Variants in FBXO27 observed in about 807,000 individuals in gnomAD.
The protein encoded by FBXO27 is F-box protein 27.
A neutral mutation model predicts 28.3 loss-of-function variants in FBXO27; 28 were observed. That is an observed-to-expected ratio of 0.99 (90% CI 0.73 to 1.36). The LOEUF (loss-of-function observed/expected upper bound fraction) is 1.36. Ranked by LOEUF, FBXO27 falls within the 40% of genes most tolerant of loss-of-function variation. FBXO27 has a pLI of 0.00. For missense variants in FBXO27, 388 were observed against 394.1 expected (o/e 0.98, Z 0.13); for synonymous variants, 175 against 167.3 (o/e 1.05, Z -0.36).
chr19:39,027,228 C>A, intron 4 of FBXO27, among the ~76,000 whole-genome samples: 1 of 152,080 alleles, frequency 6.6e-6, no homozygotes, highest in East Asian at 1.9e-4. Flanking sequence ...AGGGCAGGGG[C>A]CAGCCACACT....
chr19:39,013,798 G>A (rs2144884268), intron 2 of FBXO27, among the ~76,000 whole-genome samples: 1 of 152,134 alleles, frequency 6.6e-6, no homozygotes, highest in South Asian at 2.1e-4. Context: ...CGGATCACGA[G>A]GTCAGGAGAT....
downstream of FBXO27, among the ~76,000 whole-genome samples, chr19:39,021,259 A>T (rs2072844083): frequency 6.6e-6 from 1 of 152,178 alleles, no homozygotes; most frequent in African/African-American, 2.4e-5. Context: ...ATATAGAAAC[A>T]TTTTTAGAGA....
chr19:39,022,301 A>G (rs2144893544), downstream of FBXO27, among the ~76,000 whole-genome samples: 1 of 151,556 alleles, frequency 6.6e-6, no homozygotes, highest in South Asian at 2.1e-4. Flanking sequence ...CACCACACCC[A>G]GCTAATTTTT....
chr19:39,013,870 G>A (rs549491330), intron 2 of FBXO27, among the ~76,000 whole-genome samples: 15 of 151,262 alleles, frequency 9.9e-5, no homozygotes, highest in Non-Finnish European at 1.5e-4. Flanking sequence ...AAAATTAGCC[G>A]GGTGTGGTGG....
chr19:39,031,601 C>A (rs2072903909), intron 2 of FBXO27, among the ~76,000 whole-genome samples: 1 of 151,942 alleles, frequency 6.6e-6, no homozygotes, highest in Non-Finnish European at 1.5e-5. Context: ...CGGTGAAGCC[C>A]TGCCCAGTCA....
At chr19:39,023,811 C>T (rs947590469), downstream of FBXO27, among the ~76,000 whole-genome samples, 7 of 152,068 alleles carry the variant, frequency 4.6e-5, no homozygotes, top group Admixed American at 1.3e-4. Context: ...GACAGGGTTT[C>T]ACCATGTTGG....
In FBXO27 at chr19:39,031,140, A is replaced by G. The variant is rs199589652; in HGVS notation, c.477-16T>C. On this transcript the variant is annotated splice_polypyrimidine_tract_variant and intron_variant, in intron 3 of 5. Coordinates refer to ENST00000292853, the MANE Select transcript of FBXO27 (RefSeq NM_178820.5). ...GCAACACCAGCTGGGAATGCAGGAG[A>G]CAGGGTAATGAGAACAGGCAGGCCT... is the stretch of plus-strand genomic sequence containing the variant. 6.2e-7 allele frequency: 1 copy of G among 1,613,504 alleles called. No homozygotes were observed. Among genetic ancestry groups the G allele is most frequent in the East Asian group, 2.2e-5 (1 of 44,876 alleles).
intron 2 of FBXO27, among the ~76,000 whole-genome samples, chr19:39,009,905 G>T (rs905060840): frequency 6.6e-6 from 1 of 151,986 alleles, no homozygotes; most frequent in Non-Finnish European, 1.5e-5. Flanking sequence ...CGTCCCCTGG[G>T]TTCAAGTGAT....
intron 4 of FBXO27, among the ~76,000 whole-genome samples, chr19:39,027,556 T>G (rs1273430497): frequency 6.6e-6 from 1 of 152,128 alleles, no homozygotes; most frequent in Non-Finnish European, 1.5e-5. Flanking sequence ...ATGCCCTCCT[T>G]TTCTTGGCTG....
intron 2 of FBXO27, among the ~76,000 whole-genome samples, chr19:39,007,076 A>C (rs1253327641): frequency 6.8e-6 from 1 of 146,894 alleles, no homozygotes; most frequent in African/African-American, 2.6e-5. Flanking sequence ...AAAAAAAAAA[A>C]AATACAGAAA....
intron 4 of FBXO27, chr19:39,030,763 C>T (rs557003296): frequency 4.4e-5 from 21 of 481,246 alleles, no homozygotes; most frequent in Admixed American, 4.0e-4. Context: ...CTACCAGGCC[C>T]GGCTAATTTT....
In FBXO27 at chr19:39,032,064, C is replaced by G. The variant is rs780792637; in HGVS notation, c.164G>C (p.Arg55Pro). The G allele has an allele frequency of 1.3e-6, 2 of 1,532,150 alleles. No homozygotes were observed. The highest frequency in any genetic ancestry group is 1.7e-6 in the Non-Finnish European group (2 of 1,145,300). The allele number at this position is 1,532,150 out of a possible 1,614,324, so 94.9% of individuals were successfully genotyped here. A position where few individuals can be genotyped will look rare whatever the true frequency, so the allele number is the denominator to read the frequency against. ...GCCGTCCACCAGGGCTCGCCAGCCCCGGCACACTTGGCGGCAGCGCCCGAG... is the reference window on the plus strand; with the variant it reads ...GCCGTCCACCAGGGCTCGCCAGCCCGGGCACACTTGGCGGCAGCGCCCGAG... Reference protein sequence around the residue: ...TLLGRCRQVCRGWRALVDGQA... With the variant: ...TLLGRCRQVCPGWRALVDGQA... The change falls in exon 2 of 6, where the codon CGG becomes CCG. Residue 55 changes from arginine (R) to proline (P), a missense_variant. Transcript: ENST00000292853. This position sits in a 1 kb window ranked among gnomAD's most constrained non-coding sequence, Gnocchi z 4.7.
downstream of FBXO27, among the ~76,000 whole-genome samples, chr19:39,021,717 C>T (rs2072845929): frequency 6.6e-6 from 1 of 151,780 alleles, no homozygotes; most frequent in Admixed American, 6.6e-5. Flanking sequence ...GGCTGGAGTG[C>T]AGCGGTGCAA....
intron 2 of FBXO27, among the ~76,000 whole-genome samples, chr19:39,010,929 A>G (rs926280633): frequency 6.6e-6 from 1 of 152,208 alleles, no homozygotes; most frequent in Non-Finnish European, 1.5e-5. Context: ...GCTAAGTCTC[A>G]CTTTGGGGCT....
intron 2 of FBXO27, among the ~76,000 whole-genome samples, chr19:39,008,968 C>G (rs536785205): frequency 6.6e-6 from 1 of 152,078 alleles, no homozygotes; most frequent in Non-Finnish European, 1.5e-5. Flanking sequence ...TTACAGGCAC[C>G]CGCCACCATG....
intron 5 of FBXO27, among the ~76,000 whole-genome samples, chr19:39,025,843 T>C (rs1418049179): frequency 6.6e-6 from 1 of 152,006 alleles, no homozygotes; most frequent in Admixed American, 6.6e-5. Flanking sequence ...GGTGAAACCC[T>C]GTCTCTACTA....
chr19:39,007,193 G>T (rs894118745), intron 2 of FBXO27, among the ~76,000 whole-genome samples: 1 of 152,066 alleles, frequency 6.6e-6, no homozygotes, highest in Non-Finnish European at 1.5e-5. Context: ...AGGGGCCCCA[G>T]TGTGGTGTTC....
downstream of FBXO27, among the ~76,000 whole-genome samples, chr19:39,021,280 C>G (rs1212398919): frequency 6.6e-6 from 1 of 152,072 alleles, no homozygotes; most frequent in Non-Finnish European, 1.5e-5. Context: ...AATGAAAAAG[C>G]AAAAAGTCAG....
At chr19:39,026,736 T>G in intron 5 of FBXO27, 134 bp downstream of exon 5, 1 of 1,344,082 alleles carries the variant, frequency 7.4e-7, no homozygotes, top group Non-Finnish European at 1.0e-6. Flanking sequence ...CCTCCCAAAG[T>G]GCTGGGATTA....
Sources: allele counts gnomAD v4.1 joint callset (sites outside exome capture counted in the v4.1 genomes callset), GRCh38; gene constraint gnomAD v4.1.1; non-coding constraint Gnocchi (gnomAD v3.1); transcripts MANE v1.5; gene names NCBI Gene and HGNC (gene_info 2026-07-23, HGNC 2026-07-21).